Variants in LPA observed in about 807,000 individuals in gnomAD.
LPA encodes lipoprotein(a).
In LPA, 199 loss-of-function variants were observed where a neutral mutation model predicts 197.9. The ratio of observed to expected loss-of-function variants is 1.01; its 90% CI spans 0.90 to 1.13. The LOEUF (loss-of-function observed/expected upper bound fraction) is 1.13, where lower values mean the gene tolerates loss of function less well. Ranked by LOEUF, LPA falls within the 50% of genes most tolerant of loss-of-function variation. The pLI is 0.00. For missense variants in LPA, 1,853 were observed against 1,785.8 expected (o/e 1.04, Z -0.68); for synonymous variants, 715 against 639.5 (o/e 1.12, Z -1.78).
chr6:160,606,347 T>C (rs1381030336), intron 17 of LPA, 130 bp downstream of exon 17: 1 of 1,365,850 alleles, frequency 7.3e-7, no homozygotes, highest in East Asian at 2.3e-5. Context: ...GGAGGCTTCC[T>C]CCTACATGAC....
At chr6:160,596,401 T>G (rs183489445) in intron 20 of LPA, among the ~76,000 whole-genome samples, 1 of 152,138 alleles carries the variant, frequency 6.6e-6, no homozygotes, top group East Asian at 1.9e-4. Flanking sequence ...TGCTTTTTTT[T>G]TTTTTCTTGT....
chr6:160,657,042 A>C (rs1345357414), intron 1 of LPA, among the ~76,000 whole-genome samples: 1 of 152,206 alleles, frequency 6.6e-6, no homozygotes, highest in Non-Finnish European at 1.5e-5. Context: ...CAGTGCCAAC[A>C]CTTGGCCCCT....
intron 36 of LPA, among the ~76,000 whole-genome samples, chr6:160,538,653 G>C (rs1462112306): frequency 6.6e-6 from 1 of 152,172 alleles, no homozygotes; most frequent in Non-Finnish European, 1.5e-5. Context: ...GCCGTATTCT[G>C]ACCAAAAATC....
chr6:160,658,568 G>A (rs1045923109), intron 1 of LPA, among the ~76,000 whole-genome samples: 1 of 152,230 alleles, frequency 6.6e-6, no homozygotes, highest in African/African-American at 2.4e-5. Context: ...TCCACATATA[G>A]TCAAAGGTAT....
Position 160,557,563 on chromosome 6 carries a change from G to A in LPA, c.4640C>T (p.Thr1547Ile), listed in dbSNP as rs1447632866. 6.2e-7 allele frequency: 1 copy of A among 1,613,898 alleles called. No individual in the cohort carries two copies. The highest frequency in any genetic ancestry group is 1.3e-5 in the African/African-American group (1 of 74,842). The change falls in exon 29 of 39, where the codon ACC becomes ATC. Residue 1547 changes from threonine (T) to isoleucine (I), a missense_variant. Thr to Ile is a moderately conservative substitution (Grantham distance 89). Transcript: ENST00000316300. The part of the protein sequence containing the change: ...TPENYPNAGL[T>I]ENYCRNPDSG... ...ATCTGGATTCCTGCAGTAGTTCTCG[G>A]TCAGGCCACTGCAAATTCCAAAACA...
At chr6:160,648,631 C>T (rs1010650450) in intron 2 of LPA, among the ~76,000 whole-genome samples, 2 of 151,758 alleles carry the variant, frequency 1.3e-5, no homozygotes, top group Non-Finnish European at 2.9e-5. Context: ...ATGTGTGTAT[C>T]TGGTTCTGTA....
intron 37 of LPA, among the ~76,000 whole-genome samples, chr6:160,535,032 T>C (rs1777865034): frequency 6.7e-6 from 1 of 149,898 alleles, no homozygotes; most frequent in Non-Finnish European, 1.5e-5. Context: ...GTGATGGTGG[T>C]GGAGTAGTGG....
At chr6:160,546,245 G>A (rs1022092275) in intron 32 of LPA, among the ~76,000 whole-genome samples, 2 of 152,138 alleles carry the variant, frequency 1.3e-5, no homozygotes, top group African/African-American at 4.8e-5. Flanking sequence ...GCCGATCACC[G>A]ATGGCCAATG....
intron 32 of LPA, 45 bp downstream of exon 32, chr6:160,547,744 G>C: frequency 6.2e-7 from 1 of 1,613,310 alleles, no homozygotes. Context: ...TGTTTGAAAA[G>C]ATTTGTCAGC....
chr6:160,634,765 A>T (rs1779771335), intron 7 of LPA, among the ~76,000 whole-genome samples: 1 of 151,416 alleles, frequency 6.6e-6, no homozygotes, highest in Non-Finnish European at 1.5e-5. Context: ...ACTGCTGGCT[A>T]CTTGAAGAAA....
Position 160,577,156 on chromosome 6 carries a change from G to C in LPA, c.4611C>G (p.Thr1537=). 2.5e-6 allele frequency: 4 copies of C among 1,613,658 alleles called. No individual in the cohort carries two copies. The highest frequency in any genetic ancestry group is 3.4e-6 in the Non-Finnish European group (4 of 1,179,798). The change falls in exon 28 of 39, where the codon ACC becomes ACG. Residue 1537 remains threonine, a synonymous_variant. Coordinates refer to ENST00000316300, the MANE Select transcript of LPA (RefSeq NM_005577.4). ...CATACGCATTTGGGTAGTTTTCTGGGGTCCTCTGATGCCAGTGTGGTATCA... is the reference window on the plus strand; with the variant it reads ...CATACGCATTTGGGTAGTTTTCTGGCGTCCTCTGATGCCAGTGTGGTATCA... ...SSMIPHWHQR[T]PENYPNAGLT...
intron 27 of LPA, among the ~76,000 whole-genome samples, chr6:160,577,698 C>T (rs1370481522): frequency 6.6e-6 from 1 of 152,138 alleles, no homozygotes; most frequent in African/African-American, 2.4e-5. Context: ...TTCCCTAGAC[C>T]ATTGCTCATA....
intron 28 of LPA, among the ~76,000 whole-genome samples, chr6:160,573,013 C>G (rs1190432606): frequency 2.6e-5 from 4 of 152,126 alleles, no homozygotes; most frequent in African/African-American, 9.7e-5. Context: ...CCCAGTTATT[C>G]CCCCAAATAT....
rs1242379622 is a variant in LPA at position 160,664,174 on chromosome 6, A to C, written c.41T>G (p.Leu14Arg). 6.2e-7 allele frequency: 1 copy of C among 1,604,348 alleles called. No homozygotes were observed. The highest frequency in any genetic ancestry group is 8.5e-7 in the Non-Finnish European group (1 of 1,175,938). ...KEVVLLLLLF[L>R]KSAAPEQSHV... The stretch of plus-strand genomic sequence containing the variant: ...AAAAAACTATGTCTTACCTGATTTC[A>C]GAAATAAAAGAAGTAGAAGAACCAC... The change falls in exon 1 of 39, where the codon CTG (leucine) becomes CGG (arginine). Residue 14 changes from leucine (L) to arginine (R), a missense_variant. Physicochemically the swap from Leu to Arg is moderately radical, Grantham distance 102. Around this residue, in one of 3 missense-constraint regions of LPA, gnomAD observed 88 missense variants for 83.0 expected, o/e 1.06. Transcript: ENST00000316300.
In LPA at chr6:160,547,921, A is replaced by G. The variant is rs1331043659; in HGVS notation, c.5172T>C (p.Asn1724=). Residue 1724 remains asparagine, a synonymous_variant, in exon 32 of 39, where the codon AAT becomes AAC. Transcript: ENST00000316300. ...PPSEQDCMFG[N]GKGYRGKKAT... ...CCTTCTTGCCCCGGTATCCTTTCCCATTCCCAAACATACAGTCTGTAGAAA... is the reference window on the plus strand; with the variant it reads ...CCTTCTTGCCCCGGTATCCTTTCCCGTTCCCAAACATACAGTCTGTAGAAA... 7 of 1,613,948 alleles carry G rather than the reference A, an allele frequency of 4.3e-6. No individual in the cohort carries two copies. In the South Asian group the frequency reaches 7.7e-5, roughly 18 times the overall value.
At position 160,541,106 on chromosome 6, in the gene LPA, C is replaced by G. The variant is rs756048207; in HGVS notation, c.5594+1G>C. The G allele has an allele frequency of 6.2e-6, 10 of 1,613,916 alleles. No individual in the cohort carries two copies. In the East Asian group the frequency reaches 2.0e-4, roughly 32 times the overall value. On this transcript the variant is annotated splice_donor_variant, in intron 35 of 38. Coordinates refer to ENST00000316300, the MANE Select transcript of LPA (RefSeq NM_005577.4). LOFTEE classifies it high-confidence loss of function. Reference sequence around the variant, plus strand: ...CCATGTCAGTTTTCCCTTAAACGTACTTCTTCAAGCAGTGAGCAGCAGTCA... The same window carrying G: ...CCATGTCAGTTTTCCCTTAAACGTAGTTCTTCAAGCAGTGAGCAGCAGTCA...
At chr6:160,536,957 G>A (rs1212441671) in intron 37 of LPA, among the ~76,000 whole-genome samples, 1 of 152,170 alleles carries the variant, frequency 6.6e-6, no homozygotes, top group Non-Finnish European at 1.5e-5. Flanking sequence ...GAAAATGCTG[G>A]TTTTACAGAT....
chr6:160,553,449 A>G, intron 30 of LPA, among the ~76,000 whole-genome samples: 1 of 152,096 alleles, frequency 6.6e-6, no homozygotes, highest in East Asian at 1.9e-4. Flanking sequence ...TTTATTTTAA[A>G]GGGTTTTTTT....
chr6:160,550,609 G>T (rs1160680879), intron 30 of LPA, among the ~76,000 whole-genome samples: 4 of 152,162 alleles, frequency 2.6e-5, no homozygotes, highest in African/African-American at 9.7e-5. Context: ...GTACACTTGT[G>T]TAACTCACAC....
Sources: allele counts gnomAD v4.1 joint callset (sites outside exome capture counted in the v4.1 genomes callset), GRCh38; gene constraint gnomAD v4.1.1; regional missense constraint gnomAD v4.1.1; transcripts MANE v1.5; gene names NCBI Gene and HGNC (gene_info 2026-07-23, HGNC 2026-07-21).